The following AUTS2 variants were observed in gnomAD, a reference collection of about 807,000 sequenced individuals.
The protein encoded by AUTS2 is activator of transcription and developmental regulator AUTS2.
Under a neutral mutation model 112.4 loss-of-function variants are expected in AUTS2, and 17 were observed. The ratio of observed to expected loss-of-function variants is 0.15; its 90% confidence interval spans 0.10 to 0.23. AUTS2 has a LOEUF of 0.23. AUTS2 is among the 10% of genes least tolerant of loss of function. The pLI is 1.00. For synonymous variants in AUTS2, 751 were observed against 702.7 expected (o/e 1.07, Z -1.09); for missense variants, 1,510 against 1,701.6 (o/e 0.89, Z 1.98).
At chr7:70,543,131 A>T (rs1241471639) in intron 5 of AUTS2, among the ~76,000 whole-genome samples, 3 of 152,202 alleles carry the variant, frequency 2.0e-5, no homozygotes, top group Non-Finnish European at 2.9e-5. Flanking sequence ...GAGCAGGATG[A>T]CAGGATTGGA....
At chr7:70,717,332 C>G (rs1172168019) in intron 6 of AUTS2, among the ~76,000 whole-genome samples, 2 of 152,126 alleles carry the variant, frequency 1.3e-5, no homozygotes, top group African/African-American at 2.4e-5. Context: ...AGGCCTGTAC[C>G]ACCATACCCG....
rs1371004585 is a variant in AUTS2 at position 70,204,368 on chromosome 7, G to T, written c.660+69797G>T. The stretch of plus-strand genomic sequence containing the variant: ...TAGAAACATGGTCTTTCTTCCCAAA[G>T]AAGTCATTTTTCTTTAAAATTTGTG... On this transcript the variant is annotated intron_variant, in intron 4 of 18. Transcript: ENST00000342771. 2.0e-5 allele frequency among the ~76,000 whole-genome samples: 3 copies of T among 152,136 alleles called. No homozygotes were observed. In the East Asian group the frequency reaches 5.8e-4, roughly 29 times the overall value.
intron 2 of AUTS2, among the ~76,000 whole-genome samples, chr7:69,907,806 G>T (rs1795205896): frequency 6.6e-6 from 1 of 152,196 alleles, no homozygotes; most frequent in Non-Finnish European, 1.5e-5. Flanking sequence ...GAAGAAGGAA[G>T]AGAGAGGGTG....
chr7:69,884,342 T>C (rs564062060), intron 1 of AUTS2, among the ~76,000 whole-genome samples: 1 of 152,352 alleles, frequency 6.6e-6, no homozygotes, highest in Non-Finnish European at 1.5e-5. Context: ...TATATAGCAG[T>C]CATTTTCTCA....
At chr7:69,785,530 T>C (rs1464844627) in intron 1 of AUTS2, among the ~76,000 whole-genome samples, 1 of 152,230 alleles carries the variant, frequency 6.6e-6, no homozygotes, top group Non-Finnish European at 1.5e-5. Flanking sequence ...GAATAAGACA[T>C]AAACAAAGAA....
At chr7:69,811,578 C>T (rs1234938846) in intron 1 of AUTS2, among the ~76,000 whole-genome samples, 2 of 152,146 alleles carry the variant, frequency 1.3e-5, no homozygotes, top group Non-Finnish European at 2.9e-5. Flanking sequence ...AGGCCCTTCA[C>T]GTGATTTTTA....
At chr7:70,764,578 T>C (rs1337431816) in intron 7 of AUTS2, among the ~76,000 whole-genome samples, 174 bp from the exon 8 acceptor site, 1 of 151,564 alleles carries the variant, frequency 6.6e-6, no homozygotes. Flanking sequence ...GATGGGAAAG[T>C]TTGCAGGAGT....
intron 1 of AUTS2, among the ~76,000 whole-genome samples, chr7:69,818,429 G>A (rs1790851662): frequency 6.6e-6 from 1 of 152,274 alleles, no homozygotes; most frequent in Admixed American, 6.5e-5. Context: ...ACTGGAGTCT[G>A]CATGTACATG....
chr7:69,716,532 T>C (rs1798621081), intron 1 of AUTS2, among the ~76,000 whole-genome samples: 1 of 152,144 alleles, frequency 6.6e-6, no homozygotes, highest in Non-Finnish European at 1.5e-5. Flanking sequence ...ACTAGATGTG[T>C]GGTGGATTTT....
chr7:69,734,302 G>C (rs151031723), intron 1 of AUTS2, among the ~76,000 whole-genome samples: 2 of 150,500 alleles, frequency 1.3e-5, no homozygotes, highest in African/African-American at 4.9e-5. Context: ...CCATTTTTCT[G>C]ATGCTGTAGA....
chr7:69,763,700 A>G (rs190152996), intron 1 of AUTS2, among the ~76,000 whole-genome samples: 80 of 152,310 alleles, frequency 5.3e-4, no homozygotes, highest in Non-Finnish European at 2.2e-4. Flanking sequence ...AAGAATCCCT[A>G]CTTCATAGGG....
intron 1 of AUTS2, among the ~76,000 whole-genome samples, chr7:69,808,081 C>T (rs1435622080): frequency 6.6e-6 from 1 of 151,850 alleles, no homozygotes; most frequent in African/African-American, 2.4e-5. Flanking sequence ...GCTTGCACTA[C>T]CATGCCTGGC....
At chr7:70,684,573 G>C (rs961027694) in intron 5 of AUTS2, among the ~76,000 whole-genome samples, 3 of 149,370 alleles carry the variant, frequency 2.0e-5, no homozygotes, top group African/African-American at 7.6e-5. Flanking sequence ...TTGTGGCGTG[G>C]TATGGTGTGG....
chr7:69,964,502 C>T lies in AUTS2; in HGVS notation c.522+65004C>T, dbSNP rs111857139. Among the ~76,000 whole-genome samples, 146 of 152,178 alleles carry T rather than the reference C, an allele frequency of 9.6e-4. 5 individuals are homozygous for T. Among genetic ancestry groups the T allele is most frequent in the African/African-American group, 3.2e-3 (132 of 41,518 alleles). On this transcript the variant is annotated intron_variant, in intron 2 of 18. Coordinates refer to ENST00000342771, the MANE Select transcript of AUTS2 (RefSeq NM_015570.4). ...AGTGAATGACTGCTAAAATTTAGTA[C>T]GTTATCAATGGGGAATTTGTTATCT... is the stretch of plus-strand genomic sequence containing the variant.
At chr7:70,624,383 T>C (rs1252780680) in intron 5 of AUTS2, among the ~76,000 whole-genome samples, 1 of 152,232 alleles carries the variant, frequency 6.6e-6, no homozygotes, top group Non-Finnish European at 1.5e-5. Context: ...GAAATTGGCT[T>C]TCTCTCCCTT....
intron 2 of AUTS2, among the ~76,000 whole-genome samples, chr7:69,972,992 G>A (rs1797917131): frequency 6.6e-6 from 1 of 151,782 alleles, no homozygotes; most frequent in South Asian, 2.1e-4. Flanking sequence ...AATCTTTCCG[G>A]TGTTTTGATA....
At chr7:69,604,239 C>T (rs562576608) in intron 1 of AUTS2, among the ~76,000 whole-genome samples, 1 of 152,278 alleles carries the variant, frequency 6.6e-6, no homozygotes, top group South Asian at 2.1e-4. Context: ...ATTTGGTGTA[C>T]TTATAACATG....
At chr7:70,537,679 AAC>A (rs1414126273) in intron 5 of AUTS2, among the ~76,000 whole-genome samples, 6 of 152,190 alleles carry the variant, frequency 3.9e-5, no homozygotes, top group Non-Finnish European at 1.5e-5. Context: ...GTGGGAAGGT[AAC>A]ACAGCTCTCT....
chr7:70,699,440 A>G (rs1248387236), intron 6 of AUTS2: 1 of 152,200 alleles, frequency 6.6e-6, no homozygotes, highest in African/African-American at 2.4e-5. Flanking sequence ...ACTTGGTAGC[A>G]CTTGAACAGA....
Sources: allele counts gnomAD v4.1 joint callset (sites outside exome capture counted in the v4.1 genomes callset), GRCh38; gene constraint gnomAD v4.1.1; transcripts MANE v1.5; gene names NCBI Gene and HGNC (gene_info 2026-07-23, HGNC 2026-07-21).